GNB1: variants seen among roughly 807,000 people sequenced by gnomAD.
The protein encoded by GNB1 is G protein subunit beta 1, also known as guanine nucleotide-binding protein G(I)/G(S)/G(T) subunit beta-1.
A neutral mutation model predicts 42.9 loss-of-function variants in GNB1; 2 were observed. That is an observed-to-expected ratio of 0.05 (90% CI 0.02 to 0.15). The LOEUF (loss-of-function observed/expected upper bound fraction) is 0.15. Ranked by LOEUF, GNB1 falls within the 10% of genes least tolerant of loss-of-function variation. The pLI is 1.00. For missense variants in GNB1, 193 were observed against 462.2 expected, an observed-to-expected ratio of 0.42 and a Z score of 5.34; for synonymous variants, 183 against 174.7, an observed-to-expected ratio of 1.05 and a Z score of -0.38.
At chr1:1,820,409 A>G (rs1313439365) in intron 3 of GNB1, among the ~76,000 whole-genome samples, 1 of 151,086 alleles carries the variant, frequency 6.6e-6, no homozygotes, top group African/African-American at 2.4e-5. Flanking sequence ...TTATAAATAT[A>G]CCAAATTTAT....
chr1:1,840,572 T>C (rs1647217076), intron 1 of GNB1, among the ~76,000 whole-genome samples: 1 of 152,182 alleles, frequency 6.6e-6, no homozygotes, highest in South Asian at 2.1e-4. Context: ...ACTAATACAA[T>C]TCAACAAATT....
intron 10 of GNB1, chr1:1,788,569 G>T (rs1270226967): frequency 6.1e-6 from 1 of 163,710 alleles, no homozygotes; most frequent in Non-Finnish European, 1.4e-5. Flanking sequence ...TGTCCTCCCA[G>T]GTACTGAGAC....
At chr1:1,889,043 A>G (rs1650316722) in intron 1 of GNB1, among the ~76,000 whole-genome samples, 1 of 152,210 alleles carries the variant, frequency 6.6e-6, no homozygotes. Flanking sequence ...TAGACTATGC[A>G]TGTCAATAGC....
In GNB1 at chr1:1,890,811, C is replaced by A. The variant is rs1377143912; in HGVS notation, c.-96+9G>T. ...ACCCGGGTCCGGGGCTGGGGGCTGC[C>A]GCGCTCACCTCAGCGCCCTCGTCGC... On this transcript the variant is annotated intron_variant, in intron 1 of 11. Coordinates refer to ENST00000378609, the MANE Select transcript of GNB1 (RefSeq NM_002074.5). 2 of 148,444 alleles carry A rather than the reference C, an allele frequency of 1.3e-5. No individual in the cohort carries two copies. The highest frequency in any genetic ancestry group is 3.9e-4 in the East Asian group (2 of 5,070). 9.2% of individuals were successfully genotyped at this position (148,444 alleles called of 1,614,324 possible). A position where few individuals can be genotyped will look rare whatever the true frequency, so the allele number is the denominator to read the frequency against.
chr1:1,862,862 G>C (rs533657135), intron 1 of GNB1, among the ~76,000 whole-genome samples: 1 of 152,274 alleles, frequency 6.6e-6, no homozygotes, highest in East Asian at 1.9e-4. Flanking sequence ...TCACACCTTG[G>C]AGACTCTTAG....
chr1:1,815,255 G>T (rs12742323), intron 5 of GNB1, among the ~76,000 whole-genome samples: 20,029 of 152,246 alleles, frequency 0.13, 1,727 homozygotes, highest in Middle Eastern at 0.29. Context: ...GCATTCCCGT[G>T]TGTCTGCCGC....
chr1:1,888,418 C>G (rs976298029), intron 1 of GNB1, among the ~76,000 whole-genome samples: 2 of 151,484 alleles, frequency 1.3e-5, no homozygotes, highest in Non-Finnish European at 2.9e-5. Context: ...GTTGATGAAA[C>G]CAAATGCTCG....
chr1:1,808,563 C>A lies in GNB1; in HGVS notation c.204-2025G>T, dbSNP rs370444575. On this transcript the variant is annotated intron_variant, in intron 5 of 11. Coordinates refer to ENST00000378609, the MANE Select transcript of GNB1 (RefSeq NM_002074.5). ...GTTCCACTGTTTGATGCAGGGATAT[C>A]TGTCAGTACGGTAAATGATAGTATA... Among the ~76,000 whole-genome samples the A allele has an allele frequency of 4.7e-4, 71 of 152,294 alleles. No individual in the cohort carries two copies. The South Asian group carries it at 0.015, about 31-fold the overall frequency.
chr1:1,830,406 C>T (rs1224210479), intron 2 of GNB1, among the ~76,000 whole-genome samples: 1 of 152,056 alleles, frequency 6.6e-6, no homozygotes, highest in Non-Finnish European at 1.5e-5. Flanking sequence ...GGACTACAGG[C>T]GCCCGCCACC....
chr1:1,829,092 T>C (rs1223450469), intron 2 of GNB1, among the ~76,000 whole-genome samples: 1 of 152,202 alleles, frequency 6.6e-6, no homozygotes, highest in East Asian at 1.9e-4. Context: ...GTTTCACTCT[T>C]ATCGCCCAGG....
chr1:1,820,095 G>A (rs148024909), intron 3 of GNB1, among the ~76,000 whole-genome samples: 11 of 152,212 alleles, frequency 7.2e-5, no homozygotes, highest in African/African-American at 2.2e-4. Context: ...AGTGGCTCAT[G>A]CCTGTAATCC....
chr1:1,841,136 C>A (rs1647230480), intron 1 of GNB1, among the ~76,000 whole-genome samples: 1 of 152,074 alleles, frequency 6.6e-6, no homozygotes, highest in Non-Finnish European at 1.5e-5. Flanking sequence ...GTGATCTGCC[C>A]ACCTCGGCCT....
chr1:1,847,268 C>T (rs1647719416), intron 1 of GNB1, among the ~76,000 whole-genome samples: 1 of 150,422 alleles, frequency 6.6e-6, no homozygotes, highest in African/African-American at 2.4e-5. Flanking sequence ...AGTTGCCAGT[C>T]TCTTGGTTGT....
At chr1:1,832,851 T>A (rs574339448) in intron 2 of GNB1, among the ~76,000 whole-genome samples, 2 of 152,238 alleles carry the variant, frequency 1.3e-5, no homozygotes, top group Non-Finnish European at 2.9e-5. Flanking sequence ...TTCACTAAAT[T>A]GTTTTTTACT....
intron 2 of GNB1, among the ~76,000 whole-genome samples, chr1:1,835,354 T>G (rs1647131286): frequency 6.6e-6 from 1 of 152,210 alleles, no homozygotes; most frequent in Non-Finnish European, 1.5e-5. Context: ...TACATTTTTT[T>G]GTCTGAAAGT....
At chr1:1,841,477 G>T (rs1647241119) in intron 1 of GNB1, among the ~76,000 whole-genome samples, 1 of 152,198 alleles carries the variant, frequency 6.6e-6, no homozygotes, top group Non-Finnish European at 1.5e-5. Context: ...ACTGAGCCTG[G>T]CCTGATTTCA....
chr1:1,851,414 GA>G (rs61558279), intron 1 of GNB1, among the ~76,000 whole-genome samples: 52,333 of 118,664 alleles, frequency 0.44, 11,617 homozygotes, highest in Admixed American at 0.58. Context: ...CCATCTCAAA[GA>G]AAAAAAAAAA....
intron 5 of GNB1, among the ~76,000 whole-genome samples, chr1:1,813,224 C>T (rs768896434): frequency 2.9e-4 from 44 of 151,896 alleles, no homozygotes; most frequent in Non-Finnish European, 5.1e-4. Context: ...GTAACCTCCA[C>T]GTGCCTCAGC....
At chr1:1,853,888 T>A (rs1308354421) in intron 1 of GNB1, among the ~76,000 whole-genome samples, 1 of 152,132 alleles carries the variant, frequency 6.6e-6, no homozygotes, top group Non-Finnish European at 1.5e-5. Flanking sequence ...ATAGTCATAT[T>A]ATATAACAAC....
Sources: gnomAD v4.1 joint callset for allele counts (sites outside exome capture counted in the v4.1 genomes callset) on GRCh38, gnomAD v4.1.1 for gene constraint, MANE v1.5 for transcripts, NCBI Gene and HGNC (gene_info 2026-07-23, HGNC 2026-07-21) for gene names.